SH3BGR: variants seen among roughly 807,000 people sequenced by gnomAD.
The protein encoded by SH3BGR is SH3 domain-binding glutamic acid-rich protein.
A neutral mutation model predicts 24.5 loss-of-function variants in SH3BGR; 29 were observed. That is an observed-to-expected ratio of 1.18 (90% confidence interval 0.88 to 1.61). SH3BGR has a LOEUF of 1.61. Among genes scored for constraint, SH3BGR ranks in the 40% most tolerant of loss-of-function variants. The pLI, the probability that SH3BGR is intolerant of heterozygous loss-of-function variation, is 0.00. For missense variants in SH3BGR, 162 were observed against 205.8 expected, an observed-to-expected ratio of 0.79 and a Z score of 1.30; for synonymous variants, 55 against 65.7, an observed-to-expected ratio of 0.84 and a Z score of 0.79.
chr21:39,488,661 G>C (rs1348391252), intron 3 of SH3BGR: 1 of 378,664 alleles, frequency 2.6e-6, no homozygotes, highest in Non-Finnish European at 5.3e-6. Flanking sequence ...GCACCATCAT[G>C]GGCGCTGAAA....
intron 2 of SH3BGR, among the ~76,000 whole-genome samples, chr21:39,467,097 T>G (rs2077855778): frequency 6.6e-6 from 1 of 152,232 alleles, no homozygotes; most frequent in Admixed American, 6.5e-5. Flanking sequence ...AGTTTGCTTA[T>G]TTTAATCATC....
intron 3 of SH3BGR, among the ~76,000 whole-genome samples, chr21:39,493,324 T>C (rs554593648): frequency 3.9e-5 from 6 of 152,230 alleles, no homozygotes; most frequent in Non-Finnish European, 5.9e-5. Context: ...CCAGTCATTC[T>C]CCTACATGTG....
chr21:39,513,148 C>A (rs955876016), intron 6 of SH3BGR, among the ~76,000 whole-genome samples: 1 of 152,082 alleles, frequency 6.6e-6, no homozygotes, highest in Admixed American at 6.6e-5. Context: ...CTTATCAAAC[C>A]AGTAAGAATT....
intron 2 of SH3BGR, among the ~76,000 whole-genome samples, chr21:39,470,580 G>C (rs984518839): frequency 1.3e-5 from 2 of 152,046 alleles, no homozygotes; most frequent in African/African-American, 2.4e-5. Context: ...ACATTAAAAG[G>C]GCCTTTAGAC....
intron 4 of SH3BGR, among the ~76,000 whole-genome samples, chr21:39,500,326 G>A (rs1333351686): frequency 6.6e-6 from 1 of 152,070 alleles, no homozygotes; most frequent in Non-Finnish European, 1.5e-5. Flanking sequence ...TATATCTGGC[G>A]GAAGACAAGA....
intron 5 of SH3BGR, among the ~76,000 whole-genome samples, chr21:39,509,946 C>CTT (rs879853877): frequency 1.4e-5 from 2 of 143,286 alleles, no homozygotes; most frequent in African/African-American, 2.6e-5. Flanking sequence ...CTTTTGTTAA[C>CTT]TTTTTTTTTT....
chr21:39,492,466 G>GTGTGTGTATATATATA (rs1404293146), intron 3 of SH3BGR, among the ~76,000 whole-genome samples: 5 of 139,726 alleles, frequency 3.6e-5, no homozygotes, highest in Non-Finnish European at 6.1e-5. Context: ...GTGTGTGTGT[G>GTGTGTGTATATATATA]TATATATATA....
intron 3 of SH3BGR, among the ~76,000 whole-genome samples, 198 bp downstream of exon 3, chr21:39,475,413 A>G (rs1426775320): frequency 5.9e-5 from 9 of 152,170 alleles, no homozygotes; most frequent in Non-Finnish European, 1.2e-4. Context: ...TGCTTTTCAT[A>G]TTTATGCTGT....
At chr21:39,476,104 G>A (rs1239104590) in intron 3 of SH3BGR, among the ~76,000 whole-genome samples, 1 of 152,174 alleles carries the variant, frequency 6.6e-6, no homozygotes, top group East Asian at 1.9e-4. Context: ...TTGACAGGAT[G>A]GAGACCAGAG....
chr21:39,482,041 A>G (rs958517120), intron 3 of SH3BGR, among the ~76,000 whole-genome samples: 1 of 152,240 alleles, frequency 6.6e-6, no homozygotes, highest in African/African-American at 2.4e-5. Flanking sequence ...CACTGTCACT[A>G]CTAATGGGAC....
At chr21:39,499,166 T>C (rs1370472131) in intron 3 of SH3BGR, among the ~76,000 whole-genome samples, 2 of 151,224 alleles carry the variant, frequency 1.3e-5, no homozygotes, top group Non-Finnish European at 3.0e-5. Context: ...GTGGGGATTA[T>C]TGACATTATG....
chr21:39,513,371 A>G (rs1291678291), intron 6 of SH3BGR, among the ~76,000 whole-genome samples: 3 of 152,194 alleles, frequency 2.0e-5, no homozygotes, highest in Non-Finnish European at 4.4e-5. Flanking sequence ...ACAAATAGCA[A>G]TGCTCTTTGC....
intron 5 of SH3BGR, among the ~76,000 whole-genome samples, chr21:39,510,379 CACACACACACACTGTAGCT>C (rs1240345506): frequency 3.2e-4 from 44 of 135,974 alleles, no homozygotes; most frequent in Middle Eastern, 4.1e-3. Context: ...CACACACACA[CACACACACACACTGTAGCT>C]ACACACACAC....
At chr21:39,453,271 C>T (rs1480696349) in intron 1 of SH3BGR, among the ~76,000 whole-genome samples, 1 of 152,184 alleles carries the variant, frequency 6.6e-6, no homozygotes, top group Non-Finnish European at 1.5e-5. Flanking sequence ...TTTTAGTGAT[C>T]TCTAGAACAA....
In SH3BGR at chr21:39,515,494, T is replaced by C. The variant is rs556953258; in HGVS notation, c.*441T>C. The C allele has an allele frequency of 6.5e-6, 1 of 154,370 alleles. No homozygotes were observed. Among genetic ancestry groups the C allele is most frequent in the African/African-American group, 2.4e-5 (1 of 41,580 alleles). 9.6% of individuals were successfully genotyped at this position (154,370 alleles called of 1,614,324 possible). ...AGAGAACCATCATATAAATAAAGATTAATAGAAAAATATCTTGTCCCAAGG... is the reference window on the plus strand; with the variant it reads ...AGAGAACCATCATATAAATAAAGATCAATAGAAAAATATCTTGTCCCAAGG... On this transcript the variant is annotated 3_prime_UTR_variant, in exon 7 of 7. Coordinates refer to ENST00000333634, the MANE Select transcript of SH3BGR (RefSeq NM_007341.3).
At chr21:39,467,663 A>G (rs1363154463) in intron 2 of SH3BGR, among the ~76,000 whole-genome samples, 1 of 152,192 alleles carries the variant, frequency 6.6e-6, no homozygotes, top group Non-Finnish European at 1.5e-5. Context: ...ATTAAAATGT[A>G]TATAACTATT....
At chr21:39,475,509 A>G (rs79186558) in intron 3 of SH3BGR, among the ~76,000 whole-genome samples, 2,081 of 152,324 alleles carry the variant, frequency 0.014, 46 homozygotes, top group African/African-American at 0.047. Context: ...TTCATTAAAT[A>G]TGTAAACATT....
intron 3 of SH3BGR, among the ~76,000 whole-genome samples, chr21:39,482,114 C>T (rs1372214139): frequency 1.3e-5 from 2 of 152,168 alleles, no homozygotes; most frequent in African/African-American, 2.4e-5. Context: ...GTCAAGTGTT[C>T]TTGCTAAATC....
chr21:39,486,317 A>G (rs900991553), intron 3 of SH3BGR, among the ~76,000 whole-genome samples: 1 of 152,064 alleles, frequency 6.6e-6, no homozygotes, highest in Non-Finnish European at 1.5e-5. Flanking sequence ...TATAAAATCA[A>G]CCCCCCAAAT....
Sources: allele counts gnomAD v4.1 joint callset (sites outside exome capture counted in the v4.1 genomes callset), GRCh38; gene constraint gnomAD v4.1.1; transcripts MANE v1.5; gene names NCBI Gene and HGNC (gene_info 2026-07-23, HGNC 2026-07-21).